Variants in RGS7 observed in about 807,000 individuals in gnomAD.
RGS7 encodes the protein regulator of G protein signaling 7, also known as regulator of G-protein signaling 7.
A neutral mutation model predicts 81.1 loss-of-function variants in RGS7; 27 were observed. The observed-to-expected ratio is 0.33, with a 90% CI of 0.25 to 0.46. The LOEUF (loss-of-function observed/expected upper bound fraction) is 0.46, where lower values mean the gene tolerates loss of function less well. Among genes scored for constraint, RGS7 ranks in the 20% least tolerant of loss-of-function variants. The pLI, the probability that RGS7 is intolerant of heterozygous loss-of-function variation, is 1.00. For synonymous variants in RGS7, 208 were observed against 207.7 expected (o/e 1.00, Z -0.01); for missense variants, 396 against 607.4 (o/e 0.65, Z 3.66).
intron 3 of RGS7, among the ~76,000 whole-genome samples, chr1:241,081,001 C>T (rs61832518): frequency 0.046 from 6,943 of 152,140 alleles, 185 homozygotes; most frequent in Non-Finnish European, 0.054. Context: ...GTCCAATATC[C>T]TCCCACCTCA....
At chr1:240,919,892 G>C (rs1673221139) in intron 6 of RGS7, 2 of 1,050,198 alleles carry the variant, frequency 1.9e-6, no homozygotes, top group South Asian at 2.5e-5. Context: ...AGGTGGATGG[G>C]AGAGTTGTGG....
chr1:241,003,756 T>C (rs1318190013), intron 3 of RGS7, among the ~76,000 whole-genome samples: 2 of 152,098 alleles, frequency 1.3e-5, no homozygotes, highest in African/African-American at 4.8e-5. Context: ...ATTATTTATT[T>C]ATTTATTTTT....
chr1:241,265,894 A>G (rs1477683003), intron 2 of RGS7, among the ~76,000 whole-genome samples: 1 of 150,146 alleles, frequency 6.7e-6, no homozygotes, highest in East Asian at 2.0e-4. Context: ...TCCCGGGTTC[A>G]AGCAATTCTC....
At chr1:240,814,101 A>G (rs753899259) in intron 12 of RGS7, among the ~76,000 whole-genome samples, 1 of 152,216 alleles carries the variant, frequency 6.6e-6, no homozygotes, top group South Asian at 2.1e-4. Context: ...AGGGCTTAAA[A>G]GGGAAATTTT....
In RGS7 at chr1:240,809,547, A is replaced by C. The variant is rs1218744372; in HGVS notation, c.1082+2371T>G. Among the ~76,000 whole-genome samples, 4 of 152,190 alleles carry C rather than the reference A, an allele frequency of 2.6e-5. No homozygotes were observed. In the South Asian group the frequency reaches 8.3e-4, roughly 31 times the overall value. ...TGGTACTGGTTTGTAGGAAACCAAG[A>C]ATGCCACTTACATGCAATCTGACCT... On this transcript the variant is annotated intron_variant, in intron 14 of 18. Coordinates refer to ENST00000440928, the MANE Select transcript of RGS7 (RefSeq NM_001364886.1).
At chr1:240,996,680 G>T (rs1330403135) in intron 3 of RGS7, among the ~76,000 whole-genome samples, 1 of 151,954 alleles carries the variant, frequency 6.6e-6, no homozygotes, top group Non-Finnish European at 1.5e-5. Flanking sequence ...CTTACAACCT[G>T]ACTATGTTGT....
chr1:240,923,712 TG>T (rs1673956562), intron 6 of RGS7, among the ~76,000 whole-genome samples: 1 of 128,924 alleles, frequency 7.8e-6, no homozygotes, highest in African/African-American at 2.6e-5. Context: ...GGAATCCAGA[TG>T]AAAAAAAAAA....
At position 241,163,135 on chromosome 1, in the gene RGS7, C is replaced by G. The variant is rs1040092797; in HGVS notation, c.79-64373G>C. ...AGGCATAACCATTTGCGGCTTAACACAGCCAAAAGGTCAGAAAGGGGGTTC... is the reference window on the plus strand; with the variant it reads ...AGGCATAACCATTTGCGGCTTAACAGAGCCAAAAGGTCAGAAAGGGGGTTC... On this transcript the variant is annotated intron_variant, in intron 2 of 18. Coordinates refer to ENST00000440928, the MANE Select transcript of RGS7 (RefSeq NM_001364886.1). The surrounding 1 kb of genome is among the most constrained non-coding windows in gnomAD (Gnocchi z 4.6). Among the ~76,000 whole-genome samples, 1 of 152,110 alleles carries G rather than the reference C, an allele frequency of 6.6e-6. No individual in the cohort carries two copies. Among genetic ancestry groups the G allele is most frequent in the African/African-American group, 2.4e-5 (1 of 41,424 alleles).
intron 18 of RGS7, among the ~76,000 whole-genome samples, chr1:240,779,058 A>G (rs907530626): frequency 6.6e-6 from 1 of 151,668 alleles, no homozygotes; most frequent in Admixed American, 6.6e-5. Flanking sequence ...CGAAGTGACC[A>G]TGTATGAGGG....
At chr1:240,848,425 T>A (rs1222616971) in intron 9 of RGS7, among the ~76,000 whole-genome samples, 4 of 152,190 alleles carry the variant, frequency 2.6e-5, no homozygotes, top group African/African-American at 9.6e-5. Flanking sequence ...ATAAAACTTG[T>A]ATAAGCAAAG....
chr1:241,243,311 G>T (rs1205340296), intron 2 of RGS7, among the ~76,000 whole-genome samples: 5 of 152,202 alleles, frequency 3.3e-5, no homozygotes, highest in African/African-American at 9.7e-5. Flanking sequence ...GCCATGGAAA[G>T]CAATCTAGAC....
chr1:241,033,751 A>G (rs1228632232), intron 3 of RGS7, among the ~76,000 whole-genome samples: 15 of 152,186 alleles, frequency 9.9e-5, no homozygotes, highest in Admixed American at 9.8e-4. Context: ...TTTGTTCACA[A>G]TATCCAAACC....
intron 4 of RGS7, among the ~76,000 whole-genome samples, chr1:240,953,944 A>T (rs994527840): frequency 6.6e-6 from 1 of 152,038 alleles, no homozygotes; most frequent in Admixed American, 6.5e-5. Context: ...CATAGAATTA[A>T]AAGATAATAA....
chr1:241,324,040 A>C (rs931981052), intron 2 of RGS7, among the ~76,000 whole-genome samples: 1 of 152,176 alleles, frequency 6.6e-6, no homozygotes, highest in African/African-American at 2.4e-5. Flanking sequence ...AATGCCTCAA[A>C]GGGTTGTTAT....
intron 2 of RGS7, among the ~76,000 whole-genome samples, chr1:241,132,117 G>T (rs1441110819): frequency 6.6e-6 from 1 of 152,110 alleles, no homozygotes. Context: ...TTAATGAGAG[G>T]CTCCCATAAA....
rs1350395176 is a variant in RGS7 at position 240,813,751 on chromosome 1, G to A, written c.846-23C>T. On this transcript the variant is annotated intron_variant, in intron 12 of 18. Coordinates refer to ENST00000440928, the MANE Select transcript of RGS7 (RefSeq NM_001364886.1). ...AGACTAAGGAGAAAAAACATTTCCAGTTTCTTTAGTTTTCTGACTGGGGTT... is the reference window on the plus strand; with the variant it reads ...AGACTAAGGAGAAAAAACATTTCCAATTTCTTTAGTTTTCTGACTGGGGTT... 2.7e-6 allele frequency: 4 copies of A among 1,503,126 alleles called. No individual in the cohort carries two copies. In the East Asian group the frequency reaches 6.8e-5, roughly 25 times the overall value. 93.1% of individuals were successfully genotyped at this position (1,503,126 alleles called of 1,614,324 possible).
At position 241,236,163 on chromosome 1, in the gene RGS7, G is replaced by A. The variant is rs2075962615; in HGVS notation, c.78+119536C>T. ...TCTATGATATCACTGAGCAAATGAC[G>A]ACCTCCGCCCCCCATATTTTAGAAA... On this transcript the variant is annotated intron_variant, in intron 2 of 18. Transcript: ENST00000440928. Among the ~76,000 whole-genome samples, 9 of 128,382 alleles carry A rather than the reference G, an allele frequency of 7.0e-5. No homozygotes were observed. The Middle Eastern group carries it at 0.013, about 180-fold the overall frequency. The allele number at this position is 128,382 out of a possible 152,430, so 84.2% of individuals were successfully genotyped here. A position where few individuals can be genotyped will look rare whatever the true frequency, so the allele number is the denominator to read the frequency against.
intron 4 of RGS7, among the ~76,000 whole-genome samples, chr1:240,972,351 G>A (rs893791887): frequency 6.6e-6 from 1 of 150,582 alleles, no homozygotes; most frequent in African/African-American, 2.4e-5. Flanking sequence ...ATACACCATG[G>A]AATACTATGC....
At chr1:240,811,684 G>T (rs1479253396) in intron 14 of RGS7, among the ~76,000 whole-genome samples, 1 of 152,222 alleles carries the variant, frequency 6.6e-6, no homozygotes, top group African/African-American at 2.4e-5. Context: ...AATTTGTATA[G>T]TTAAAACATC....
Sources: gnomAD v4.1 joint callset for allele counts (sites outside exome capture counted in the v4.1 genomes callset) on GRCh38, gnomAD v4.1.1 for gene constraint, Gnocchi (gnomAD v3.1) non-coding constraint, MANE v1.5 for transcripts, NCBI Gene and HGNC (gene_info 2026-07-23, HGNC 2026-07-21) for gene names.